Variants in PCLAF observed in about 807,000 individuals in gnomAD.
PCLAF encodes PCNA-associated factor.
In PCLAF, 12 loss-of-function variants were observed where a neutral mutation model predicts 15.1. The observed-to-expected ratio is 0.79, with a 90% CI of 0.51 to 1.29. The LOEUF is 1.29. PCLAF is among the 50% of genes most tolerant of loss of function. The pLI, the probability that PCLAF is intolerant of heterozygous loss-of-function variation, is 0.00. For synonymous variants in PCLAF, 33 were observed against 47.1 expected (o/e 0.70, Z 1.22); for missense variants, 116 against 130.9 (o/e 0.89, Z 0.56).
intron 2 of PCLAF, among the ~76,000 whole-genome samples, chr15:64,380,003 A>G (rs1338571907): frequency 6.6e-6 from 1 of 152,240 alleles, no homozygotes; most frequent in Non-Finnish European, 1.5e-5. Context: ...AGCACTCAGC[A>G]CTGTTAACGA....
intron 3 of PCLAF, chr15:64,373,521 C>CA: frequency 6.3e-6 from 7 of 1,116,742 alleles, no homozygotes; most frequent in Non-Finnish European, 8.2e-6. Flanking sequence ...TGTAGAAGGG[C>CA]AAGCAAGACC....
At chr15:64,381,659 T>G (rs1174305001), upstream of PCLAF, 1 of 600,384 alleles carries the variant, frequency 1.7e-6, no homozygotes, top group Non-Finnish European at 2.7e-6. Flanking sequence ...GTACCAGGAC[T>G]CTCCAGGGGT....
intron 1 of PCLAF, 133 bp downstream of exon 1, chr15:64,381,193 C>A: frequency 1.6e-6 from 2 of 1,231,122 alleles, no homozygotes; most frequent in Non-Finnish European, 2.4e-6. Flanking sequence ...GGTAAAGGGG[C>A]CAGGCGGCTA....
intron 3 of PCLAF, among the ~76,000 whole-genome samples, chr15:64,367,233 G>A (rs1176117502): frequency 1.3e-5 from 2 of 152,194 alleles, no homozygotes; most frequent in Non-Finnish European, 2.9e-5. Context: ...GGAGGGCCCT[G>A]TGGCTCGTGC....
At chr15:64,368,542 G>C (rs964190574) in intron 3 of PCLAF, among the ~76,000 whole-genome samples, 1 of 152,084 alleles carries the variant, frequency 6.6e-6, no homozygotes, top group African/African-American at 2.4e-5. Flanking sequence ...GCAACTGCTG[G>C]GAGTTTACCC....
chr15:64,386,849 A>G (rs962982080), intron 1 of PCLAF, among the ~76,000 whole-genome samples: 8 of 152,192 alleles, frequency 5.3e-5, no homozygotes, highest in African/African-American at 1.9e-4. Flanking sequence ...GCTAGTAGAA[A>G]TGAAGAACTT....
chr15:64,370,243 ATTTTTT>A (rs879858578), intron 3 of PCLAF, among the ~76,000 whole-genome samples: 1 of 141,966 alleles, frequency 7.0e-6, no homozygotes, highest in African/African-American at 2.7e-5. Context: ...TGCCCACCTA[ATTTTTT>A]TTTTTTTTTT....
At chr15:64,387,535 T>C in exon 1 of PCLAF, 1 of 1,319,914 alleles carries the variant, frequency 7.6e-7, no homozygotes, top group South Asian at 1.3e-5. Flanking sequence ...CGGGTATTGG[T>C]TTGTTTTCCC....
upstream of PCLAF, chr15:64,383,084 C>T (rs184628841): frequency 6.5e-6 from 1 of 154,186 alleles, no homozygotes; most frequent in African/African-American, 2.4e-5. Context: ...GAAGTGTAAA[C>T]ACAGCATTAA....
intron 3 of PCLAF, among the ~76,000 whole-genome samples, chr15:64,368,526 C>T (rs932875963): frequency 2.6e-5 from 4 of 152,048 alleles, no homozygotes; most frequent in African/African-American, 9.7e-5. Flanking sequence ...CTGACTCTTC[C>T]CCCACGCAAC....
At chr15:64,377,853 GT>G (rs1899675280) in intron 2 of PCLAF, among the ~76,000 whole-genome samples, 1 of 140,860 alleles carries the variant, frequency 7.1e-6, no homozygotes, top group Non-Finnish European at 1.5e-5. Flanking sequence ...CCGGATTCAA[GT>G]GATTCTCCTG....
At chr15:64,373,156 C>G (rs1899419746) in intron 3 of PCLAF, 1 of 152,170 alleles carries the variant, frequency 6.6e-6, no homozygotes, top group African/African-American at 2.4e-5. Context: ...TTTCTATTAC[C>G]TAATCATTTT....
chr15:64,378,411 T>C (rs1213713361), intron 2 of PCLAF, among the ~76,000 whole-genome samples: 1 of 152,210 alleles, frequency 6.6e-6, no homozygotes, highest in Admixed American at 6.6e-5. Flanking sequence ...ATATAGACTC[T>C]GAAGTTATAT....
chr15:64,365,951 C>T lies in PCLAF; in HGVS notation c.*79G>A. The T allele has an allele frequency of 8.1e-7, 1 of 1,232,554 alleles. No homozygotes were observed. Among genetic ancestry groups the T allele is most frequent in the South Asian group, 1.3e-5 (1 of 78,580 alleles). The allele number at this position is 1,232,554 out of a possible 1,614,324, so 76.4% of individuals were successfully genotyped here. On this transcript the variant is annotated 3_prime_UTR_variant, in exon 4 of 4. Coordinates refer to ENST00000300035, the MANE Select transcript of PCLAF (RefSeq NM_014736.6). The stretch of plus-strand genomic sequence containing the variant: ...GCCTGTTCAACAAAGCTAATTGGAA[C>T]AAACACATTTATGTAAATTTACATT...
At chr15:64,370,261 T>G (rs2414849) in intron 3 of PCLAF, among the ~76,000 whole-genome samples, 120,568 of 148,366 alleles carry the variant, frequency 0.81, 49,787 homozygotes, top group East Asian at 0.95. Flanking sequence ...TTTTTTTTTT[T>G]TTTGTGTAGA....
At chr15:64,379,202 C>A (rs570286672) in intron 2 of PCLAF, among the ~76,000 whole-genome samples, 6 of 152,116 alleles carry the variant, frequency 3.9e-5, no homozygotes, top group Admixed American at 3.3e-4. Flanking sequence ...TCAGGCCAGG[C>A]GTGGTGGCTC....
Position 64,376,765 on chromosome 15 carries a change from C to T in PCLAF, c.268G>A (p.Gly90Ser), listed in dbSNP as rs761000759. ...TACTTTCTCTTTGCTTTTCCTAAGC[C>T]ACTGCTTCCTGCCTCTTCAGGAATC... ...NQIPEEAGSS[G>S]LGKAKRKACP... The change falls in exon 3 of 4, where the codon GGC becomes AGC. Residue 90 changes from glycine (G) to serine (S), a missense_variant. Transcript: ENST00000300035. The T allele has an allele frequency of 1.2e-6, 2 of 1,613,006 alleles. No homozygotes were observed. Among genetic ancestry groups the T allele is most frequent in the Middle Eastern group, 1.7e-4 (1 of 6,056 alleles).
rs1369440814 is a variant in PCLAF at position 64,377,489 on chromosome 15, ATATATATATATATAT to A, written c.128-599_128-585del. 9.1e-4 allele frequency among the ~76,000 whole-genome samples: 15 copies of A among 16,466 alleles called. 5 individuals carry two copies. Among genetic ancestry groups the A allele is most frequent in the African/African-American group, 2.7e-3 (12 of 4,438 alleles). The allele number at this position is 16,466 out of a possible 152,430, so 10.8% of individuals were successfully genotyped here. On this transcript the variant is annotated intron_variant, in intron 2 of 3. Transcript: ENST00000300035. ...CTGTCTCAAAAAAAAAAAAAAAAAA[ATATATATATATATAT>A]ATATATATATATATATATATATATA... is the stretch of plus-strand genomic sequence containing the variant.
chr15:64,366,864 T>C (rs1306839515), intron 3 of PCLAF, among the ~76,000 whole-genome samples: 1 of 151,950 alleles, frequency 6.6e-6, no homozygotes, highest in Admixed American at 6.6e-5. Flanking sequence ...TCCCAGCTAC[T>C]TGGGAGGCTA....
Sources: allele counts gnomAD v4.1 joint callset (sites outside exome capture counted in the v4.1 genomes callset), GRCh38; gene constraint gnomAD v4.1.1; transcripts MANE v1.5; gene names NCBI Gene and HGNC (gene_info 2026-07-23, HGNC 2026-07-21).